Variants in MEGF6 observed in about 807,000 individuals in gnomAD.
The protein encoded by MEGF6 is multiple EGF like domains 6.
MEGF6 carries 184 observed loss-of-function variants against 207.1 expected under a neutral mutation model. The ratio of observed to expected loss-of-function variants is 0.89; its 90% CI spans 0.79 to 1.00. The LOEUF (loss-of-function observed/expected upper bound fraction) is 1.00. Ranked by LOEUF, MEGF6 falls within the 50% of genes least tolerant of loss-of-function variation. The pLI, the probability that MEGF6 is intolerant of heterozygous loss-of-function variation, is 0.00. For missense variants in MEGF6, 2,282 were observed against 2,202.9 expected (o/e 1.04, Z -0.72); for synonymous variants, 1,038 against 910.0 (o/e 1.14, Z -2.53).
At chr1:3,521,320 C>A (rs1162193114) in intron 5 of MEGF6, among the ~76,000 whole-genome samples, 1 of 152,146 alleles carries the variant, frequency 6.6e-6, no homozygotes, top group African/African-American at 2.4e-5. Context: ...GGCGAAGGGT[C>A]CCAAACTCCC....
rs74794208 is a variant in MEGF6, at chr1:3,547,128, G to A, written c.482-22882C>T. 6.7e-3 allele frequency: 1,031 copies of A among 153,252 alleles called. 14 individuals are homozygous for A. The highest frequency in any genetic ancestry group is 0.061 in the South Asian group (302 of 4,990). The allele number at this position is 153,252 out of a possible 1,614,324, so 9.5% of individuals were successfully genotyped here. ...CGTTGGCACACTCACCCACATCTGC[G>A]AGGGGAGAAGCAGGTGAGGTGCCAG... On this transcript the variant is annotated intron_variant, in intron 4 of 36. Transcript: ENST00000356575.
chr1:3,551,331 G>A (rs1642877512), intron 4 of MEGF6, among the ~76,000 whole-genome samples: 1 of 152,194 alleles, frequency 6.6e-6, no homozygotes, highest in Non-Finnish European at 1.5e-5. Context: ...AGAGGCTGCT[G>A]GGGACGACAG....
intron 4 of MEGF6, among the ~76,000 whole-genome samples, chr1:3,550,766 G>A (rs758734465): frequency 3.3e-5 from 5 of 152,260 alleles, no homozygotes; most frequent in Non-Finnish European, 5.9e-5. Flanking sequence ...CCTTGCAGCC[G>A]ATCCAGCAAG....
rs1476965180 is a variant in MEGF6, at chr1:3,611,311, C to A, written c.-43G>T. The A allele has an allele frequency of 3.6e-6, 5 of 1,408,292 alleles. No individual in the cohort carries two copies. The highest frequency in any genetic ancestry group is 3.0e-5 in the African/African-American group (2 of 66,704). 87.2% of individuals were successfully genotyped at this position (1,408,292 alleles called of 1,614,324 possible). ...CCTCCGCTCTCCGGCTCACAGGCGG[C>A]CCCGGCGGCTCCCCGGAGCCTCCGC... On this transcript the variant is annotated 5_prime_UTR_variant, in exon 1 of 37. Transcript: ENST00000356575.
chr1:3,514,718 G>T, intron 6 of MEGF6, 46 bp from the exon 7 acceptor site: 1 of 1,512,880 alleles, frequency 6.6e-7, no homozygotes, highest in Non-Finnish European at 8.9e-7. Context: ...GGGGACCCCA[G>T]TGGCTGCAGG....
upstream of MEGF6, among the ~76,000 whole-genome samples, chr1:3,614,007 T>A (rs151230097): frequency 4.5e-3 from 693 of 152,330 alleles, 4 homozygotes; most frequent in African/African-American, 0.016. Context: ...ATGTCCTTCC[T>A]GCTGGAAATC....
chr1:3,512,625 C>T (rs1282101804), intron 7 of MEGF6, among the ~76,000 whole-genome samples: 1 of 152,188 alleles, frequency 6.6e-6, no homozygotes, highest in African/African-American at 2.4e-5. Context: ...GTTTTAAAAA[C>T]GGGAGTTTCC....
At chr1:3,620,356 T>C in the MEGF6 span, among the ~76,000 whole-genome samples, 1 of 152,218 alleles carries the variant, frequency 6.6e-6, no homozygotes, top group Non-Finnish European at 1.5e-5. Flanking sequence ...TTCAGAGAGC[T>C]TCACGGCAGA....
intron 4 of MEGF6, among the ~76,000 whole-genome samples, chr1:3,552,100 C>T (rs930826354): frequency 3.3e-5 from 5 of 152,216 alleles, no homozygotes; most frequent in Admixed American, 6.5e-5. Flanking sequence ...CATTTTCTCA[C>T]CCAACCCTCA....
Position 3,495,950 on chromosome 1 carries a change from C to T in MEGF6, c.3811G>A (p.Asp1271Asn), listed in dbSNP as rs773672018. The T allele has an allele frequency of 2.1e-5, 33 of 1,589,966 alleles. 1 individual carries two copies. Among genetic ancestry groups the T allele is most frequent in the South Asian group, 1.1e-4 (10 of 89,338 alleles). The change falls in exon 30 of 37, where the codon GAC becomes AAC. Residue 1271 changes from aspartate to asparagine, a missense_variant. Transcript: ENST00000356575. Reference sequence around the variant, plus strand: ...CAGAGGCAGGTGCCGGTCACAGGGTCGCAGGCCGCCCCCTGCCCACACCCA... The same window carrying T: ...CAGAGGCAGGTGCCGGTCACAGGGTTGCAGGCCGCCCCCTGCCCACACCCA... ...VCGCGQGAAC[D>N]PVTGTCLCPP...
rs377695242 is a variant in MEGF6 at position 3,501,881 on chromosome 1, G to A, written c.2229C>T (p.Ser743=). The A allele has an allele frequency of 2.3e-4, 374 of 1,609,428 alleles. 1 individual carries two copies. In the African/African-American group the frequency reaches 4.2e-3, roughly 18 times the overall value. Residue 743 remains serine, a synonymous_variant, in exon 18 of 37, where the codon TCC becomes TCT. Coordinates refer to ENST00000356575, the MANE Select transcript of MEGF6 (RefSeq NM_001409.4). The part of the protein sequence containing the change: ...VGTFGVNCSS[S]CSCGGAPCHG... ...GGCAGGGGGCCCCCCCACAGGAGCAGGAGCTCGAGCAGTTCACGCCAAACG... is the reference window on the plus strand; with the variant it reads ...GGCAGGGGGCCCCCCCACAGGAGCAAGAGCTCGAGCAGTTCACGCCAAACG...
intron 4 of MEGF6, among the ~76,000 whole-genome samples, chr1:3,529,125 T>C (rs900670439): frequency 7.2e-5 from 11 of 152,076 alleles, no homozygotes; most frequent in African/African-American, 2.7e-4. Flanking sequence ...CTGGGTTCCC[T>C]CCTTTGCAGA....
Position 3,495,908 on chromosome 1 carries a change from C to T in MEGF6, c.3853G>A (p.Gly1285Ser), listed in dbSNP as rs369025182. 181 of 1,597,734 alleles carry T rather than the reference C, an allele frequency of 1.1e-4. No individual in the cohort carries two copies. The highest frequency in any genetic ancestry group is 2.2e-4 in the Admixed American group (13 of 59,788). Residue 1285 changes from glycine to serine, a missense_variant, in exon 30 of 37, where the codon GGC (glycine) becomes AGC (serine). Gly to Ser is a moderately conservative substitution (Grantham distance 56). Transcript: ENST00000356575. The stretch of plus-strand genomic sequence containing the variant: ...CACTCACCTCGCTCACAGCGGACGC[C>T]GGCTCTCCCCGGGGGGCAGAGGCAG... ...GTCLCPPGRAGVRCERGCPQN... is the reference protein window; with the variant it reads ...GTCLCPPGRASVRCERGCPQN...
chr1:3,560,244 T>C lies in MEGF6; in HGVS notation c.481+19581A>G, dbSNP rs1244750837. Among the ~76,000 whole-genome samples, 1 of 152,138 alleles carries C rather than the reference T, an allele frequency of 6.6e-6. No individual in the cohort carries two copies. The highest frequency in any genetic ancestry group is 6.5e-5 in the Admixed American group (1 of 15,288). On this transcript the variant is annotated intron_variant, in intron 4 of 36. Coordinates refer to ENST00000356575, the MANE Select transcript of MEGF6 (RefSeq NM_001409.4). This position sits in a 1 kb window ranked among gnomAD's most constrained non-coding sequence, Gnocchi z 4.0. ...CCTTCTCCCAACACACATAATTTCC[T>C]GTATCATTCAATCCTCCATTGGAAT...
upstream of MEGF6, among the ~76,000 whole-genome samples, chr1:3,616,435 G>A (rs998039228): frequency 7.2e-5 from 11 of 152,102 alleles, no homozygotes; most frequent in African/African-American, 2.7e-4. Flanking sequence ...GCCCCGGTCT[G>A]TTCCTCACAT....
At chr1:3,533,007 C>T (rs1642224219) in intron 4 of MEGF6, among the ~76,000 whole-genome samples, 1 of 152,204 alleles carries the variant, frequency 6.6e-6, no homozygotes, top group Admixed American at 6.5e-5. Context: ...CTCAGGGAAG[C>T]AGGCGGCCCA....
In MEGF6 at chr1:3,498,606, C is replaced by CT. The variant is rs906024613; in HGVS notation, c.3223+91dup. 4 of 1,483,264 alleles carry CT rather than the reference C, an allele frequency of 2.7e-6. No homozygotes were observed. In the African/African-American group the frequency reaches 4.2e-5, roughly 15 times the overall value. The allele number at this position is 1,483,264 out of a possible 1,614,324, so 91.9% of individuals were successfully genotyped here. On this transcript the variant is annotated intron_variant, in intron 25 of 36. Transcript: ENST00000356575. ...GAGCTGAAGCCTACACCCCAGGGCG[C>CT]TGCCCCCTGACCTGGGAGCCCTCCT...
intron 30 of MEGF6, among the ~76,000 whole-genome samples, chr1:3,495,532 C>T (rs1000730142): frequency 3.3e-5 from 5 of 152,214 alleles, no homozygotes; most frequent in African/African-American, 9.7e-5. Context: ...ACTCCACCCT[C>T]GGGCAGAAGA....
In MEGF6 at chr1:3,573,998, C is replaced by T. The variant is rs1643578042; in HGVS notation, c.481+5827G>A. Among the ~76,000 whole-genome samples the T allele has an allele frequency of 6.6e-6, 1 of 152,190 alleles. No individual in the cohort carries two copies. The highest frequency in any genetic ancestry group is 2.4e-5 in the African/African-American group (1 of 41,454). On this transcript the variant is annotated intron_variant, in intron 4 of 36. Coordinates refer to ENST00000356575, the MANE Select transcript of MEGF6 (RefSeq NM_001409.4). The surrounding 1 kb of genome is among the most constrained non-coding windows in gnomAD (Gnocchi z 5.1). Reference sequence around the variant, plus strand: ...TCCAAGGCTCTGCTTCCTGGCATAGCCTCAGGGCCCCAACAGCTGCCAGAG... The same window carrying T: ...TCCAAGGCTCTGCTTCCTGGCATAGTCTCAGGGCCCCAACAGCTGCCAGAG...
Sources: gnomAD v4.1 joint callset for allele counts (sites outside exome capture counted in the v4.1 genomes callset) on GRCh38, gnomAD v4.1.1 for gene constraint, Gnocchi (gnomAD v3.1) non-coding constraint, MANE v1.5 for transcripts, NCBI Gene and HGNC (gene_info 2026-07-23, HGNC 2026-07-21) for gene names.